The following TBC1D5 variants were observed in gnomAD, a reference collection of about 807,000 sequenced individuals.
TBC1D5 encodes the protein TBC1 domain family, member 5.
Under a neutral mutation model 100.3 loss-of-function variants are expected in TBC1D5, and 75 were observed. That is an observed-to-expected ratio of 0.75 (90% CI 0.62 to 0.91). The LOEUF (loss-of-function observed/expected upper bound fraction) is 0.91, where lower values mean the gene tolerates loss of function less well. Among genes scored for constraint, TBC1D5 ranks in the 40% least tolerant of loss-of-function variants. The pLI is 0.00. For synonymous variants in TBC1D5, 323 were observed against 325.6 expected (o/e 0.99, Z 0.09); for missense variants, 910 against 942.4 (o/e 0.97, Z 0.45).
intron 4 of TBC1D5, among the ~76,000 whole-genome samples, chr3:17,413,157 G>C (rs2093981843): frequency 6.6e-6 from 1 of 152,102 alleles, no homozygotes; most frequent in African/African-American, 2.4e-5. Flanking sequence ...GCAGATACTT[G>C]GTCCCTGAAA....
intron 2 of TBC1D5, among the ~76,000 whole-genome samples, chr3:17,526,636 A>G (rs1372208332): frequency 6.6e-6 from 1 of 152,232 alleles, no homozygotes; most frequent in Non-Finnish European, 1.5e-5. Flanking sequence ...CTCAATTCAC[A>G]GGTTTTGTGA....
chr3:17,232,641 G>A (rs1039968090), intron 17 of TBC1D5, among the ~76,000 whole-genome samples: 1 of 152,052 alleles, frequency 6.6e-6, no homozygotes, highest in Non-Finnish European at 1.5e-5. Context: ...AACTATACCT[G>A]TGAGACACAG....
chr3:17,384,960 A>G (rs1403131029), intron 8 of TBC1D5, among the ~76,000 whole-genome samples: 3 of 152,072 alleles, frequency 2.0e-5, no homozygotes, highest in Non-Finnish European at 2.9e-5. Flanking sequence ...AACTCTATGG[A>G]GGAATAAACC....
At chr3:17,669,740 G>A (rs2067707553) in intron 1 of TBC1D5, among the ~76,000 whole-genome samples, 1 of 152,146 alleles carries the variant, frequency 6.6e-6, no homozygotes, top group Admixed American at 6.5e-5. Flanking sequence ...TTGTTTCAGG[G>A]GGCTGGCACA....
intron 17 of TBC1D5, among the ~76,000 whole-genome samples, chr3:17,226,349 C>T (rs936261342): frequency 3.4e-4 from 48 of 142,112 alleles, no homozygotes; most frequent in African/African-American, 1.2e-3. Context: ...CAGCATGAAA[C>T]ATTTTTGTTG....
At chr3:17,485,870 T>C (rs376955277) in intron 3 of TBC1D5, among the ~76,000 whole-genome samples, 28 of 151,950 alleles carry the variant, frequency 1.8e-4, no homozygotes, top group Non-Finnish European at 2.5e-4. Flanking sequence ...AATGGGATGG[T>C]TGGGTCAAAT....
intron 3 of TBC1D5, among the ~76,000 whole-genome samples, chr3:17,505,192 A>G (rs2095831864): frequency 6.6e-6 from 1 of 152,186 alleles, no homozygotes; most frequent in African/African-American, 2.4e-5. Flanking sequence ...GAATACTGTG[A>G]CATACAAAAT....
chr3:17,703,056 T>C (rs2073430116), intron 1 of TBC1D5, among the ~76,000 whole-genome samples: 1 of 152,130 alleles, frequency 6.6e-6, no homozygotes, highest in Non-Finnish European at 1.5e-5. Flanking sequence ...GCTGGAAATT[T>C]ATGAAGTTAA....
intron 13 of TBC1D5, among the ~76,000 whole-genome samples, chr3:17,322,497 G>GA (rs1212760845): frequency 6.6e-6 from 1 of 152,148 alleles, no homozygotes; most frequent in African/African-American, 2.4e-5. Flanking sequence ...ACATAAGGGG[G>GA]AAAAACCCCA....
intron 19 of TBC1D5, among the ~76,000 whole-genome samples, chr3:17,172,405 GATGTCTTTCC>G (rs1166164803): frequency 6.6e-6 from 1 of 152,176 alleles, no homozygotes; most frequent in Non-Finnish European, 1.5e-5. Flanking sequence ...CAAACGTAAT[GATGTCTTTCC>G]ATGGCTTAAG....
At chr3:17,258,576 C>G in exon 16 of TBC1D5, 1 of 1,612,448 alleles carries the variant, frequency 6.2e-7, no homozygotes, top group Admixed American at 1.7e-5. Flanking sequence ...TGATAAGTCA[C>G]TGGTCTTGGA....
At chr3:17,683,408 C>T (rs2069774868) in intron 1 of TBC1D5, among the ~76,000 whole-genome samples, 1 of 151,246 alleles carries the variant, frequency 6.6e-6, no homozygotes, top group Non-Finnish European at 1.5e-5. Context: ...AGCACAAATT[C>T]TTCTTTTGTA....
At chr3:17,258,174 T>C (rs936654775) in intron 16 of TBC1D5, among the ~76,000 whole-genome samples, 1 of 152,074 alleles carries the variant, frequency 6.6e-6, no homozygotes, top group African/African-American at 2.4e-5. Context: ...AAATATATTA[T>C]AAAACTGTCT....
intron 1 of TBC1D5, among the ~76,000 whole-genome samples, chr3:17,736,950 T>C (rs893728062): frequency 4.0e-5 from 6 of 151,820 alleles, no homozygotes; most frequent in African/African-American, 1.5e-4. Context: ...GAGGCAGAGG[T>C]TGCAGTGAGT....
chr3:17,272,264 T>C (rs926714332), intron 15 of TBC1D5, among the ~76,000 whole-genome samples: 7 of 152,262 alleles, frequency 4.6e-5, no homozygotes, highest in African/African-American at 7.2e-5. Flanking sequence ...TAAAAAGCAA[T>C]AGACAATTTT....
intron 15 of TBC1D5, among the ~76,000 whole-genome samples, chr3:17,269,733 G>T (rs1199379399): frequency 6.7e-6 from 1 of 149,554 alleles, no homozygotes; most frequent in Admixed American, 6.7e-5. Context: ...ATTTGTAAGT[G>T]AGAACATGTG....
rs539954365 is a variant in TBC1D5, at chr3:17,713,157, T to A, written c.-101+26186A>T. On this transcript the variant is annotated intron_variant, in intron 1 of 21. Coordinates refer to ENST00000253692, the Ensembl canonical transcript of TBC1D5. ...TTTAAATATAGGTACTTCTTAGATA[T>A]GACACCAAAAGTATAAATAACAACA... is the stretch of plus-strand genomic sequence containing the variant. 2.6e-5 allele frequency among the ~76,000 whole-genome samples: 4 copies of A among 152,290 alleles called. 1 individual carries two copies. The South Asian group carries it at 8.3e-4, about 32-fold the overall frequency.
intron 3 of TBC1D5, among the ~76,000 whole-genome samples, chr3:17,501,157 G>GT (rs2095783772): frequency 6.7e-6 from 1 of 149,220 alleles, no homozygotes; most frequent in Admixed American, 6.6e-5. Context: ...CTAACTTACA[G>GT]TTTTTTATCT....
At position 17,212,494 on chromosome 3, in the gene TBC1D5, T is replaced by TTA. The variant is rs367707340; in HGVS notation, c.1752+1711_1752+1712dup. Among the ~76,000 whole-genome samples, 201 of 151,076 alleles carry TTA rather than the reference T, an allele frequency of 1.3e-3. No individual in the cohort carries two copies. The Middle Eastern group carries it at 0.014, about 10-fold the overall frequency. On this transcript the variant is annotated intron_variant, in intron 18 of 21. Coordinates refer to ENST00000253692, the Ensembl canonical transcript of TBC1D5. ...TCATTATTTTATAATGTACTTCTAG[T>TTA]TATATATATATATAAAAAAAGAGTT...
Sources: gnomAD v4.1 joint callset for allele counts (sites outside exome capture counted in the v4.1 genomes callset) on GRCh38, gnomAD v4.1.1 for gene constraint, MANE v1.5 for transcripts, NCBI Gene and HGNC (gene_info 2026-07-23, HGNC 2026-07-21) for gene names.